ZNF423: variants seen among roughly 807,000 people sequenced by gnomAD.
ZNF423 encodes zinc finger protein 423, also known as Ebf-associated zinc finger protein.
A neutral mutation model predicts 95.8 loss-of-function variants in ZNF423; 12 were observed. That is an observed-to-expected ratio of 0.13 (90% CI 0.08 to 0.20). The LOEUF (loss-of-function observed/expected upper bound fraction) is 0.20. Ranked by LOEUF, ZNF423 falls within the 10% of genes least tolerant of loss-of-function variation. ZNF423 has a pLI of 1.00. For missense variants in ZNF423, 1,316 were observed against 1,737.1 expected, an observed-to-expected ratio of 0.76 and a Z score of 4.31; for synonymous variants, 749 against 711.9, an observed-to-expected ratio of 1.05 and a Z score of -0.83.
intron 2 of ZNF423, among the ~76,000 whole-genome samples, chr16:49,745,300 T>C (rs888264731): frequency 6.6e-5 from 10 of 152,240 alleles, no homozygotes; most frequent in Admixed American, 4.6e-4. Context: ...AAAACACTTA[T>C]GTTACTAAAG....
chr16:49,692,253 C>T (rs1043089864), intron 3 of ZNF423, among the ~76,000 whole-genome samples: 10 of 152,084 alleles, frequency 6.6e-5, no homozygotes, highest in African/African-American at 2.4e-4. Flanking sequence ...CCACACCTGA[C>T]CTGCCCCATT....
At chr16:49,824,148 G>T (rs1477299677) in intron 1 of ZNF423, among the ~76,000 whole-genome samples, 1 of 152,000 alleles carries the variant, frequency 6.6e-6, no homozygotes, top group Non-Finnish European at 1.5e-5. Flanking sequence ...TGTCAAAACT[G>T]GGGGGGAATG....
chr16:49,659,736 G>T (rs1017690997), intron 3 of ZNF423, among the ~76,000 whole-genome samples: 1 of 152,204 alleles, frequency 6.6e-6, no homozygotes, highest in African/African-American at 2.4e-5. Flanking sequence ...GGTGCCCACC[G>T]CTGCAGGCAC....
intron 3 of ZNF423, among the ~76,000 whole-genome samples, chr16:49,698,875 T>A (rs2032070736): frequency 6.6e-6 from 1 of 152,220 alleles, no homozygotes; most frequent in Non-Finnish European, 1.5e-5. Context: ...ATAAAGCATT[T>A]GTTGATTCTA....
chr16:49,797,930 C>T (rs1311966735), intron 1 of ZNF423, among the ~76,000 whole-genome samples: 3 of 106,050 alleles, frequency 2.8e-5, no homozygotes. Flanking sequence ...ATTTTTTAGG[C>T]CAGGCACAGT....
At chr16:49,813,604 G>A (rs1453621189) in intron 1 of ZNF423, among the ~76,000 whole-genome samples, 1 of 152,206 alleles carries the variant, frequency 6.6e-6, no homozygotes, top group African/African-American at 2.4e-5. Flanking sequence ...GTTCCCGGAA[G>A]AGAACATCCA....
chr16:49,730,802 C>A lies in ZNF423; in HGVS notation c.270G>T (p.Leu90=). The part of the protein sequence containing the change: ...CQQDFESLAD[L]TDHRAHRCPG... The stretch of plus-strand genomic sequence containing the variant: ...GACAGCGGTGGGCCCGGTGGTCCGT[C>A]AGGTCTGCCAGAGACTCGAAGTCCT... The change falls in exon 3 of 8, where the codon CTG becomes CTT. Residue 90 remains leucine, a synonymous_variant. Transcript: ENST00000563137. The A allele has an allele frequency of 6.2e-7, 1 of 1,614,178 alleles. No individual in the cohort carries two copies. Among genetic ancestry groups the A allele is most frequent in the Non-Finnish European group, 8.5e-7 (1 of 1,180,034 alleles).
intron 2 of ZNF423, among the ~76,000 whole-genome samples, chr16:49,761,830 G>C (rs1011762545): frequency 6.6e-6 from 1 of 152,164 alleles, no homozygotes; most frequent in Non-Finnish European, 1.5e-5. Flanking sequence ...CCTTTAAAAA[G>C]AGAGAGAGAC....
chr16:49,575,884 G>A (rs1970482765), intron 5 of ZNF423, among the ~76,000 whole-genome samples: 1 of 152,180 alleles, frequency 6.6e-6, no homozygotes, highest in Non-Finnish European at 1.5e-5. Context: ...CCTGAAGGAG[G>A]CACGGGCTGC....
chr16:49,620,672 G>A (rs373812728), intron 5 of ZNF423, among the ~76,000 whole-genome samples: 6 of 152,210 alleles, frequency 3.9e-5, no homozygotes, highest in African/African-American at 1.2e-4. Flanking sequence ...CAAGGGGCCC[G>A]TGAGGCCCTG....
chr16:49,769,010 A>G (rs746824992), intron 2 of ZNF423, among the ~76,000 whole-genome samples: 1 of 152,184 alleles, frequency 6.6e-6, no homozygotes, highest in Non-Finnish European at 1.5e-5. Context: ...AGGCTTCCTC[A>G]GCTCCTCTCC....
At chr16:49,651,497 C>T (rs1424832314) in intron 3 of ZNF423, among the ~76,000 whole-genome samples, 1 of 152,180 alleles carries the variant, frequency 6.6e-6, no homozygotes, top group Non-Finnish European at 1.5e-5. Context: ...GCCTTGGAGA[C>T]ATCTGTGTTT....
At chr16:49,694,805 G>T (rs1296185838) in intron 3 of ZNF423, among the ~76,000 whole-genome samples, 1 of 152,234 alleles carries the variant, frequency 6.6e-6, no homozygotes, top group Non-Finnish European at 1.5e-5. Flanking sequence ...GCATCTTGAG[G>T]TAGGGTAGGG....
rs140706957 is a variant in ZNF423 at position 49,635,478 on chromosome 16, G to A, written c.3516+182C>T. Among the ~76,000 whole-genome samples the A allele has an allele frequency of 2.0e-5, 3 of 152,236 alleles. No homozygotes were observed. The East Asian group carries it at 5.8e-4, about 29-fold the overall frequency. On this transcript the variant is annotated intron_variant, in intron 4 of 7. Coordinates refer to ENST00000563137, the MANE Select transcript of ZNF423 (RefSeq NM_001379286.1). This position sits in a 1 kb window ranked among gnomAD's most constrained non-coding sequence, Gnocchi z 4.8. ...AATAACATGAGCCCATCACATGGCT[G>A]GAAAGGCAATGGCAGTGCTGAGGTT...
Position 49,786,910 on chromosome 16 carries a change from T to C in ZNF423, c.100+2577A>G, listed in dbSNP as rs955371964. The stretch of plus-strand genomic sequence containing the variant: ...GCCAAGTGACATTTTCTCAGTTTAA[T>C]GAAAAGTATTAGACAAAAGCAGCTT... On this transcript the variant is annotated intron_variant, in intron 2 of 7. Transcript: ENST00000563137. Among the ~76,000 whole-genome samples, 19 of 152,218 alleles carry C rather than the reference T, an allele frequency of 1.2e-4. 1 individual carries two copies. Among genetic ancestry groups the C allele is most frequent in the Non-Finnish European group, 2.9e-5 (2 of 68,048 alleles).
intron 1 of ZNF423, among the ~76,000 whole-genome samples, chr16:49,850,513 C>T (rs2035291157): frequency 6.6e-6 from 1 of 152,182 alleles, no homozygotes; most frequent in African/African-American, 2.4e-5. Flanking sequence ...CGAAGGAACC[C>T]TGATATCTTC....
Position 49,609,110 on chromosome 16 carries a change from T to A in ZNF423, c.3601+17060A>T, listed in dbSNP as rs1202766111. Among the ~76,000 whole-genome samples, 3 of 151,974 alleles carry A rather than the reference T, an allele frequency of 2.0e-5. No homozygotes were observed. In the East Asian group the frequency reaches 5.8e-4, roughly 29 times the overall value. Reference sequence around the variant, plus strand: ...GTGGAGACCATGTGGAGAGCAGAAATGATGCATTCCTACCACGACTGCTCA... The same window carrying A: ...GTGGAGACCATGTGGAGAGCAGAAAAGATGCATTCCTACCACGACTGCTCA... On this transcript the variant is annotated intron_variant, in intron 5 of 7. Transcript: ENST00000563137.
At chr16:49,527,417 A>G (rs1189784990) in intron 5 of ZNF423, among the ~76,000 whole-genome samples, 1 of 152,170 alleles carries the variant, frequency 6.6e-6, no homozygotes, top group Non-Finnish European at 1.5e-5. Flanking sequence ...GGAGACGTTC[A>G]TCATAATTAG....
intron 5 of ZNF423, among the ~76,000 whole-genome samples, chr16:49,532,005 T>C (rs1968863977): frequency 6.6e-6 from 1 of 152,216 alleles, no homozygotes; most frequent in Non-Finnish European, 1.5e-5. Context: ...TTAGGGACGC[T>C]GATATTGTTG....
Sources: allele counts gnomAD v4.1 joint callset (sites outside exome capture counted in the v4.1 genomes callset), GRCh38; gene constraint gnomAD v4.1.1; non-coding constraint Gnocchi (gnomAD v3.1); transcripts MANE v1.5; gene names NCBI Gene and HGNC (gene_info 2026-07-23, HGNC 2026-07-21).